HOMER1: variants seen among roughly 807,000 people sequenced by gnomAD.
HOMER1 encodes homer protein homolog 1.
HOMER1 carries 3 observed loss-of-function variants against 48.9 expected under a neutral mutation model. The observed-to-expected ratio is 0.06, with a 90% CI of 0.03 to 0.16. HOMER1 has a LOEUF of 0.16. Ranked by LOEUF, HOMER1 falls within the 10% of genes least tolerant of loss-of-function variation. HOMER1 has a pLI of 1.00. For synonymous variants in HOMER1, 134 were observed against 146.4 expected (o/e 0.92, Z 0.61); for missense variants, 247 against 411.4 (o/e 0.60, Z 3.46).
rs146127593 is a variant in HOMER1 at position 79,487,433 on chromosome 5, C to T, written c.5+25337G>A. ...TGTAACGCAACAGGCAAGAAGCATA[C>T]CACACCACCCATGACATAGCTTGGG... is the stretch of plus-strand genomic sequence containing the variant. On this transcript the variant is annotated intron_variant, in intron 1 of 8. Transcript: ENST00000334082. Among the ~76,000 whole-genome samples, 136 of 152,272 alleles carry T rather than the reference C, an allele frequency of 8.9e-4. 1 individual carries two copies. The highest frequency in any genetic ancestry group is 2.9e-3 in the African/African-American group (120 of 41,556).
At position 79,380,796 on chromosome 5, in the gene HOMER1, G is replaced by A. The variant is rs1458440889; in HGVS notation, c.877-4599C>T. On this transcript the variant is annotated intron_variant, in intron 8 of 8. Transcript: ENST00000334082. ...TAAACACTCCTCCCAGGGGAATAAG[G>A]TTGGGCTTACCTTCCTGGCTGCTAC... 2.0e-5 allele frequency among the ~76,000 whole-genome samples: 3 copies of A among 152,190 alleles called. No homozygotes were observed. In the East Asian group the frequency reaches 5.8e-4, roughly 29 times the overall value.
In HOMER1 at chr5:79,512,911, A is replaced by G; in HGVS notation, c.-137T>C. 1.3e-6 allele frequency: 1 copy of G among 751,158 alleles called. No individual in the cohort carries two copies. The highest frequency in any genetic ancestry group is 2.3e-6 in the Non-Finnish European group (1 of 429,294). The allele number at this position is 751,158 out of a possible 1,614,324, so 46.5% of individuals were successfully genotyped here. A position where few individuals can be genotyped will look rare whatever the true frequency, so the allele number is the denominator to read the frequency against. On this transcript the variant is annotated 5_prime_UTR_variant, in exon 1 of 9. Coordinates refer to ENST00000334082, the MANE Select transcript of HOMER1 (RefSeq NM_004272.5). ...ATCCTTGTCCGGAGGTATTTCAAGG[A>G]TGCTGCCAATTCAATTAGTTCTCTT... is the stretch of plus-strand genomic sequence containing the variant.
At chr5:79,468,743 G>A (rs1331964061) in intron 1 of HOMER1, among the ~76,000 whole-genome samples, 2 of 152,196 alleles carry the variant, frequency 1.3e-5, no homozygotes, top group Non-Finnish European at 2.9e-5. Flanking sequence ...CCTAGTCATA[G>A]GGTATTGGTA....
chr5:79,399,048 T>C (rs567075031), intron 6 of HOMER1, among the ~76,000 whole-genome samples: 60 of 152,346 alleles, frequency 3.9e-4, no homozygotes, highest in Admixed American at 9.8e-4. Flanking sequence ...GTATTTGTTT[T>C]GTCTCATTAT....
chr5:79,475,232 A>G (rs1270476518), intron 1 of HOMER1, among the ~76,000 whole-genome samples: 2 of 139,416 alleles, frequency 1.4e-5, no homozygotes, highest in African/African-American at 2.7e-5. Flanking sequence ...GAGACAGTAT[A>G]TAACTGCTCA....
intron 2 of HOMER1, among the ~76,000 whole-genome samples, chr5:79,455,190 G>GCCT (rs1751136803): frequency 6.6e-6 from 1 of 151,862 alleles, no homozygotes; most frequent in Non-Finnish European, 1.5e-5. Flanking sequence ...TCATGCCTCG[G>GCCT]CCTCCCAAAG....
intron 5 of HOMER1, among the ~76,000 whole-genome samples, chr5:79,416,869 T>G (rs980079774): frequency 6.6e-6 from 1 of 152,232 alleles, no homozygotes; most frequent in African/African-American, 2.4e-5. Context: ...GGATACTAAC[T>G]TCTTGCTCAG....
intron 6 of HOMER1, among the ~76,000 whole-genome samples, chr5:79,399,116 G>A (rs1460013194): frequency 6.6e-6 from 1 of 152,128 alleles, no homozygotes; most frequent in Non-Finnish European, 1.5e-5. Context: ...GTTTTTATTG[G>A]AGTAACTTTC....
intron 8 of HOMER1, among the ~76,000 whole-genome samples, chr5:79,390,372 G>A (rs1749219657): frequency 6.6e-6 from 1 of 151,988 alleles, no homozygotes; most frequent in African/African-American, 2.4e-5. Context: ...GTAACTAGGA[G>A]CATTTTAAAG....
At chr5:79,480,711 T>C (rs1433222658) in intron 1 of HOMER1, among the ~76,000 whole-genome samples, 1 of 152,224 alleles carries the variant, frequency 6.6e-6, no homozygotes, top group Non-Finnish European at 1.5e-5. Flanking sequence ...ATTTTAACTT[T>C]GCTCATGCAA....
intron 5 of HOMER1, among the ~76,000 whole-genome samples, chr5:79,433,677 A>C (rs1003380053): frequency 2.6e-5 from 4 of 152,216 alleles, no homozygotes; most frequent in African/African-American, 9.6e-5. Context: ...TTTGTATTTA[A>C]GCAGCATTTA....
At chr5:79,379,115 A>ATATATATATAATATATAT (rs1349080228) in intron 8 of HOMER1, among the ~76,000 whole-genome samples, 3 of 55,622 alleles carry the variant, frequency 5.4e-5, no homozygotes, top group Non-Finnish European at 7.1e-5. Flanking sequence ...TATATATATA[A>ATATATATATAATATATAT]AATATATAAA....
intron 5 of HOMER1, among the ~76,000 whole-genome samples, chr5:79,403,672 G>A (rs1327662599): frequency 3.3e-5 from 5 of 152,142 alleles, no homozygotes; most frequent in Non-Finnish European, 5.9e-5. Context: ...AAAACTGAGG[G>A]TTAGTTAGTA....
intron 1 of HOMER1, chr5:79,511,005 A>T (rs1406904534): frequency 2.8e-6 from 1 of 361,322 alleles, no homozygotes; most frequent in Non-Finnish European, 5.0e-6. Context: ...TGTACAAAGA[A>T]ACCTCAGGCA....
chr5:79,403,164 GTTGT>G (rs1277566396), intron 5 of HOMER1, among the ~76,000 whole-genome samples: 3 of 152,030 alleles, frequency 2.0e-5, no homozygotes, highest in Non-Finnish European at 2.9e-5. Flanking sequence ...AAAGAAAAAG[GTTGT>G]TTCTCTTTCT....
chr5:79,464,317 C>A (rs919491392), intron 1 of HOMER1, among the ~76,000 whole-genome samples: 1 of 152,048 alleles, frequency 6.6e-6, no homozygotes, highest in African/African-American at 2.4e-5. Flanking sequence ...AAAACATCCC[C>A]CTTGATTTGA....
intron 1 of HOMER1, among the ~76,000 whole-genome samples, chr5:79,484,251 T>A (rs79867656): frequency 0.013 from 1,978 of 151,812 alleles, 57 homozygotes; most frequent in African/African-American, 0.044. Flanking sequence ...GTATAGTTAG[T>A]AAGCTAACAA....
In HOMER1 at chr5:79,513,010, T is replaced by C. The variant is rs1752983638; in HGVS notation, c.-236A>G. Reference sequence around the variant, plus strand: ...CGGCATTTGCTTATTCGAGTTAAAATGCTTTGCGGAGGAGACAGCGATCAA... The same window carrying C: ...CGGCATTTGCTTATTCGAGTTAAAACGCTTTGCGGAGGAGACAGCGATCAA... On this transcript the variant is annotated 5_prime_UTR_variant, in exon 1 of 9. Coordinates refer to ENST00000334082, the MANE Select transcript of HOMER1 (RefSeq NM_004272.5). 1.7e-6 allele frequency: 1 copy of C among 578,802 alleles called. No homozygotes were observed. The highest frequency in any genetic ancestry group is 3.1e-6 in the Non-Finnish European group (1 of 325,240). The allele number at this position is 578,802 out of a possible 1,614,324, so 35.9% of individuals were successfully genotyped here. A position where few individuals can be genotyped will look rare whatever the true frequency, so the allele number is the denominator to read the frequency against.
rs1238303159 is a variant in HOMER1, at chr5:79,375,964, A to G, written c.*45T>C. ...AGAGCCTAAACAGTCCTATGAAGAG[A>G]GACAGTGTATCTTTTAATTAATTGG... is the stretch of plus-strand genomic sequence containing the variant. On this transcript the variant is annotated 3_prime_UTR_variant, in exon 9 of 9. Coordinates refer to ENST00000334082, the MANE Select transcript of HOMER1 (RefSeq NM_004272.5). 6 of 1,243,222 alleles carry G rather than the reference A, an allele frequency of 4.8e-6. No homozygotes were observed. Among genetic ancestry groups the G allele is most frequent in the Non-Finnish European group, 6.8e-6 (6 of 879,726 alleles). 77.0% of individuals were successfully genotyped at this position (1,243,222 alleles called of 1,614,324 possible).
Sources: allele counts gnomAD v4.1 joint callset (sites outside exome capture counted in the v4.1 genomes callset), GRCh38; gene constraint gnomAD v4.1.1; transcripts MANE v1.5; gene names NCBI Gene and HGNC (gene_info 2026-07-23, HGNC 2026-07-21).